Variants in CLSTN2 observed in about 807,000 individuals in gnomAD.
CLSTN2 encodes calsyntenin-2.
CLSTN2 carries 48 observed loss-of-function variants against 101.2 expected under a neutral mutation model. The observed-to-expected ratio is 0.47, with a 90% confidence interval of 0.38 to 0.60. CLSTN2 has a LOEUF of 0.60. CLSTN2 is among the 20% of genes least tolerant of loss of function. The probability of loss-of-function intolerance (pLI) is 0.00; values close to 1 mark genes in which losing one functional copy is unlikely to be tolerated. For synonymous variants in CLSTN2, 481 were observed against 463.6 expected (o/e 1.04, Z -0.48); for missense variants, 1,160 against 1,238.2 (o/e 0.94, Z 0.95).
In CLSTN2 at chr3:140,196,258, T is replaced by C. The variant is rs150043249; in HGVS notation, c.232+20185T>C. ...TGGTCATTGTCAGAGATGGCGGAGC[T>C]TTCCCAAATCTCATGACAGAGGAAG... is the stretch of plus-strand genomic sequence containing the variant. On this transcript the variant is annotated intron_variant, in intron 2 of 16. Coordinates refer to ENST00000458420, the MANE Select transcript of CLSTN2 (RefSeq NM_022131.3). Among the ~76,000 whole-genome samples, 644 of 152,306 alleles carry C rather than the reference T, an allele frequency of 4.2e-3. 3 individuals carry two copies. The highest frequency in any genetic ancestry group is 0.015 in the African/African-American group (605 of 41,562).
At position 140,532,362 on chromosome 3, in the gene CLSTN2, G is replaced by A; in HGVS notation, c.1383G>A (p.Val461=). The stretch of plus-strand genomic sequence containing the variant: ...AGTGGCACTACTATGTCATCAATGT[G>A]GAGTTTCCTGTGGTAACCTTATACA... ...DKEWHYYVIN[V]EFPVVTLYMD... is the part of the protein sequence containing the mutation. The change falls in exon 9 of 17, where the codon GTG becomes GTA. Residue 461 remains valine, a synonymous_variant. Coordinates refer to ENST00000458420, the MANE Select transcript of CLSTN2 (RefSeq NM_022131.3). 1 of 1,611,240 alleles carries A rather than the reference G, an allele frequency of 6.2e-7. No homozygotes were observed. Among genetic ancestry groups the A allele is most frequent in the Non-Finnish European group, 8.5e-7 (1 of 1,178,336 alleles).
intron 5 of CLSTN2, among the ~76,000 whole-genome samples, chr3:140,443,591 C>T (rs1933006785): frequency 6.6e-6 from 1 of 152,238 alleles, no homozygotes; most frequent in African/African-American, 2.4e-5. Flanking sequence ...GCAGGCAGGG[C>T]AGGCTGCTCC....
At chr3:139,972,642 C>G (rs1271001148) in intron 1 of CLSTN2, among the ~76,000 whole-genome samples, 2 of 152,200 alleles carry the variant, frequency 1.3e-5, no homozygotes, top group Non-Finnish European at 2.9e-5. Context: ...AGCAGAAGGC[C>G]TAGTCCATTG....
At chr3:140,218,507 C>A (rs2010949099) in intron 2 of CLSTN2, among the ~76,000 whole-genome samples, 1 of 152,120 alleles carries the variant, frequency 6.6e-6, no homozygotes, top group African/African-American at 2.4e-5. Context: ...CCCAGTCAAT[C>A]ATGGCTTTAT....
At chr3:140,511,474 T>C (rs1210285685) in intron 8 of CLSTN2, among the ~76,000 whole-genome samples, 2 of 151,950 alleles carry the variant, frequency 1.3e-5, no homozygotes, top group Non-Finnish European at 2.9e-5. Flanking sequence ...AACTAATTTA[T>C]GCTCCCACCA....
intron 1 of CLSTN2, among the ~76,000 whole-genome samples, chr3:140,084,453 G>A (rs1278547296): frequency 6.6e-6 from 1 of 152,166 alleles, no homozygotes; most frequent in Non-Finnish European, 1.5e-5. Flanking sequence ...ACTAAGGTTA[G>A]GAATAAGTGT....
chr3:140,227,472 G>T (rs2086333180), intron 2 of CLSTN2, among the ~76,000 whole-genome samples: 1 of 152,210 alleles, frequency 6.6e-6, no homozygotes, highest in Non-Finnish European at 1.5e-5. Context: ...CTCATGGGCT[G>T]GCATTGAGTG....
At position 140,459,543 on chromosome 3, in the gene CLSTN2, C is replaced by T. The variant is rs1227118313; in HGVS notation, c.996C>T (p.Asp332=). The change falls in exon 7 of 17, where the codon GAC becomes GAT. Residue 332 remains aspartate, a synonymous_variant. Transcript: ENST00000458420. ...CAGGAGCCTCCTCTGGCATCATTGA[C>T]CTCTTGCCATCCCCTAGCGCTGCCA... The part of the protein sequence containing the change: ...KLCGASSGII[D]LLPSPSAATN... The T allele has an allele frequency of 6.2e-7, 1 of 1,614,084 alleles. No homozygotes were observed. The highest frequency in any genetic ancestry group is 2.2e-5 in the East Asian group (1 of 44,870).
rs150536553 is a variant in CLSTN2, at chr3:140,537,723, G to T, written c.1507+5237G>T. Among the ~76,000 whole-genome samples the T allele has an allele frequency of 2.0e-5, 3 of 152,294 alleles. 1 individual carries two copies. Among genetic ancestry groups the T allele is most frequent in the South Asian group, 4.1e-4 (2 of 4,830 alleles). Reference sequence around the variant, plus strand: ...ATCATTTAAAAGACTAAATTAATTTGTCCTTTTCCTTAGATTTCCTACTTA... The same window carrying T: ...ATCATTTAAAAGACTAAATTAATTTTTCCTTTTCCTTAGATTTCCTACTTA... On this transcript the variant is annotated intron_variant, in intron 9 of 16. Coordinates refer to ENST00000458420, the MANE Select transcript of CLSTN2 (RefSeq NM_022131.3).
At chr3:140,289,117 C>T (rs1467307640) in intron 2 of CLSTN2, among the ~76,000 whole-genome samples, 3 of 152,188 alleles carry the variant, frequency 2.0e-5, no homozygotes, top group African/African-American at 7.2e-5. Flanking sequence ...TGACTGCTTA[C>T]TGTGTGCCAG....
chr3:140,213,030 C>G (rs10513102), intron 2 of CLSTN2, among the ~76,000 whole-genome samples: 25,149 of 152,252 alleles, frequency 0.17, 2,664 homozygotes, highest in Non-Finnish European at 0.24. Flanking sequence ...ATGAACCCAT[C>G]ATCAAGCAAT....
intron 2 of CLSTN2, among the ~76,000 whole-genome samples, chr3:140,293,241 G>T (rs2086970855): frequency 6.6e-6 from 1 of 151,236 alleles, no homozygotes; most frequent in South Asian, 2.1e-4. Context: ...AGTGTAGACT[G>T]AGGGATGTAG....
intron 1 of CLSTN2, among the ~76,000 whole-genome samples, chr3:140,094,241 A>G (rs2008830452): frequency 6.6e-6 from 1 of 152,150 alleles, no homozygotes; most frequent in South Asian, 2.1e-4. Context: ...GGTGGGGAGT[A>G]GGGTAATTGT....
At chr3:139,982,198 T>A (rs1305651980) in intron 1 of CLSTN2, among the ~76,000 whole-genome samples, 1 of 152,144 alleles carries the variant, frequency 6.6e-6, no homozygotes, top group East Asian at 1.9e-4. Context: ...TGTTTTTGGT[T>A]GAATTTTTAT....
chr3:140,439,332 G>A (rs11925150), intron 5 of CLSTN2, among the ~76,000 whole-genome samples: 23,945 of 152,256 alleles, frequency 0.16, 2,415 homozygotes, highest in South Asian at 0.32. Context: ...GGGCTTCAGC[G>A]AGGGGCTGCC....
intron 1 of CLSTN2, among the ~76,000 whole-genome samples, chr3:139,965,607 A>C (rs1334995125): frequency 6.6e-6 from 1 of 152,032 alleles, no homozygotes; most frequent in Non-Finnish European, 1.5e-5. Context: ...ACCCACTTGC[A>C]TTTTCTCAGA....
chr3:140,145,412 G>A (rs1341813288), intron 1 of CLSTN2, among the ~76,000 whole-genome samples: 1 of 152,260 alleles, frequency 6.6e-6, no homozygotes, highest in Non-Finnish European at 1.5e-5. Flanking sequence ...ACTCCGCCCG[G>A]CACACATGGG....
intron 2 of CLSTN2, among the ~76,000 whole-genome samples, chr3:140,196,490 G>A (rs987508639): frequency 6.6e-6 from 1 of 152,240 alleles, no homozygotes; most frequent in Non-Finnish European, 1.5e-5. Context: ...ATTACTTGCT[G>A]TTTCCAGGGG....
intron 2 of CLSTN2, among the ~76,000 whole-genome samples, chr3:140,196,456 G>A (rs1364608091): frequency 6.6e-6 from 1 of 152,216 alleles, no homozygotes; most frequent in East Asian, 1.9e-4. Context: ...CCAGGTTGCT[G>A]GGAGGAACCA....
Sources: gnomAD v4.1 joint callset for allele counts (sites outside exome capture counted in the v4.1 genomes callset) on GRCh38, gnomAD v4.1.1 for gene constraint, MANE v1.5 for transcripts, NCBI Gene and HGNC (gene_info 2026-07-23, HGNC 2026-07-21) for gene names.